Variants in MYO5B observed in about 807,000 individuals in gnomAD.
MYO5B encodes unconventional myosin-Vb.
In MYO5B, 143 loss-of-function variants were observed where a neutral mutation model predicts 229.3. The ratio of observed to expected loss-of-function variants is 0.62; its 90% CI spans 0.54 to 0.72. MYO5B has a LOEUF of 0.72. MYO5B is among the 30% of genes least tolerant of loss of function. The pLI, the probability that MYO5B is intolerant of heterozygous loss-of-function variation, is 0.00. For missense variants in MYO5B, 2,321 were observed against 2,331.0 expected (o/e 1.00, Z 0.09); for synonymous variants, 918 against 885.2 (o/e 1.04, Z -0.66).
At chr18:49,929,115 G>C (rs2025161026) in intron 17 of MYO5B, among the ~76,000 whole-genome samples, 3 of 152,050 alleles carry the variant, frequency 2.0e-5, no homozygotes, top group African/African-American at 7.2e-5. Context: ...AAAACCTACT[G>C]AAAAAATTTA....
Position 49,990,475 on chromosome 18 carries a change from C to T in MYO5B, c.802G>A (p.Ala268Thr), listed in dbSNP as rs757208688. 1.9e-6 allele frequency: 3 copies of T among 1,613,802 alleles called. No homozygotes were observed. The highest frequency in any genetic ancestry group is 2.5e-6 in the Non-Finnish European group (3 of 1,179,878). ...NYHIFYQLCA[A>T]AGLPEFKELA... ...TCTTTAAATTCTGGAAGACCGGCAG[C>T]AGCACAGAGCTGGTAAAAGATGTGG... The change falls in exon 7 of 40, where the codon GCT (alanine) becomes ACT (threonine). Residue 268 changes from alanine (A) to threonine (T), a missense_variant. Physicochemically the swap from Ala to Thr is moderately conservative, Grantham distance 58 (BLOSUM62 0). This residue lies in a region of MYO5B where 2,113 missense variants were observed against 2,044.7 expected (regional missense o/e 1.03). Coordinates refer to ENST00000285039, the MANE Select transcript of MYO5B (RefSeq NM_001080467.3).
intron 1 of MYO5B, among the ~76,000 whole-genome samples, chr18:50,165,694 A>G (rs112901051): frequency 0.012 from 1,802 of 152,116 alleles, 17 homozygotes; most frequent in Middle Eastern, 0.031. Flanking sequence ...GAGAATCACT[A>G]GAACCCAGGA....
At chr18:50,084,275 A>T (rs541857166) in intron 1 of MYO5B, among the ~76,000 whole-genome samples, 4 of 152,270 alleles carry the variant, frequency 2.6e-5, no homozygotes, top group African/African-American at 2.4e-5. Flanking sequence ...TTTCTGGGTT[A>T]TACTCAGTTT....
chr18:50,147,891 T>C (rs1985467), intron 1 of MYO5B, among the ~76,000 whole-genome samples: 53,013 of 151,924 alleles, frequency 0.35, 9,855 homozygotes, highest in Non-Finnish European at 0.43. Context: ...GTTACCAGCA[T>C]TAGCGGATGT....
At chr18:49,965,668 T>A (rs1318643862) in intron 10 of MYO5B, among the ~76,000 whole-genome samples, 1 of 152,142 alleles carries the variant, frequency 6.6e-6, no homozygotes, top group Non-Finnish European at 1.5e-5. Context: ...GGAGACTGAA[T>A]AAGCTGTGCT....
chr18:49,888,118 TA>T (rs772678715), intron 22 of MYO5B, among the ~76,000 whole-genome samples: 1 of 152,244 alleles, frequency 6.6e-6, no homozygotes, highest in East Asian at 1.9e-4. Flanking sequence ...CAGCTTCCTA[TA>T]AAGCAAAGTT....
intron 25 of MYO5B, chr18:49,876,092 C>T (rs150787520): frequency 4.7e-4 from 227 of 478,264 alleles, no homozygotes; most frequent in African/African-American, 4.2e-3. Context: ...AAATGACCAA[C>T]CATATATTCC....
chr18:50,119,457 C>G (rs1277600702), intron 1 of MYO5B, among the ~76,000 whole-genome samples: 1 of 152,192 alleles, frequency 6.6e-6, no homozygotes, highest in Non-Finnish European at 1.5e-5. Context: ...TCACTGCAAA[C>G]AGAGTAATCT....
intron 1 of MYO5B, among the ~76,000 whole-genome samples, chr18:50,109,878 G>A (rs1160825133): frequency 1.3e-5 from 2 of 152,158 alleles, no homozygotes. Flanking sequence ...AGCCATGTGA[G>A]AACAAGAACA....
intron 10 of MYO5B, chr18:49,969,634 T>C (rs569510505): frequency 6.6e-6 from 1 of 152,248 alleles, no homozygotes; most frequent in South Asian, 2.1e-4. Context: ...CCCTCCACCG[T>C]TAACAACACA....
At chr18:50,134,119 G>A (rs914634732) in intron 1 of MYO5B, among the ~76,000 whole-genome samples, 5 of 152,144 alleles carry the variant, frequency 3.3e-5, no homozygotes, top group Admixed American at 2.6e-4. Context: ...GGGGACAAAG[G>A]CAGAAGGAAA....
chr18:49,951,154 C>T (rs528672064), intron 14 of MYO5B, among the ~76,000 whole-genome samples: 1 of 152,292 alleles, frequency 6.6e-6, no homozygotes, highest in South Asian at 2.1e-4. Context: ...TGTATGACTC[C>T]AGGTGGAAGG....
At chr18:50,015,822 C>G (rs2026209984) in intron 4 of MYO5B, among the ~76,000 whole-genome samples, 1 of 152,200 alleles carries the variant, frequency 6.6e-6, no homozygotes, top group African/African-American at 2.4e-5. Context: ...CACGTCCTGC[C>G]TGTTAGGAGC....
At chr18:50,004,335 A>G (rs1293653357) in intron 4 of MYO5B, among the ~76,000 whole-genome samples, 6 of 152,238 alleles carry the variant, frequency 3.9e-5, no homozygotes, top group Admixed American at 3.9e-4. Flanking sequence ...GAAATTATCA[A>G]GAGTTATAAA....
intron 1 of MYO5B, among the ~76,000 whole-genome samples, chr18:50,186,226 A>G (rs956654438): frequency 2.0e-5 from 3 of 152,216 alleles, no homozygotes; most frequent in African/African-American, 7.2e-5. Flanking sequence ...CAGCAGCCAC[A>G]TGCAGTTACC....
At chr18:49,873,060 G>A (rs992520434) in intron 26 of MYO5B, among the ~76,000 whole-genome samples, 7 of 152,154 alleles carry the variant, frequency 4.6e-5, no homozygotes, top group African/African-American at 1.7e-4. Flanking sequence ...TGACACTACC[G>A]CAGGTAGTAG....
chr18:49,870,563 G>A (rs1407319212), intron 27 of MYO5B, among the ~76,000 whole-genome samples: 9 of 152,124 alleles, frequency 5.9e-5, no homozygotes, highest in Admixed American at 5.2e-4. Context: ...AATATGTAGA[G>A]AACTCCTAAA....
intron 29 of MYO5B, among the ~76,000 whole-genome samples, chr18:49,857,353 G>A (rs1256695642): frequency 2.0e-5 from 3 of 152,196 alleles, no homozygotes; most frequent in African/African-American, 4.8e-5. Flanking sequence ...TGGAGGAAGC[G>A]GGAGGCAGTG....
Position 49,992,428 on chromosome 18 carries a change from T to C in MYO5B, c.616A>G (p.Ile206Val), listed in dbSNP as rs1407763690. Reference sequence around the variant, plus strand: ...TTGCGGGTGGTCTTGGCATTTCCAATGGCCTGCACAGACCAGACAGACAAA... The same window carrying C: ...TTGCGGGTGGTCTTGGCATTTCCAACGGCCTGCACAGACCAGACAGACAAA... ...VLASSPIMEA[I>V]GNAKTTRNDN... The change falls in exon 6 of 40, where the codon ATT becomes GTT. Residue 206 changes from isoleucine to valine, a missense_variant. Physicochemically the swap from Ile to Val is conservative, Grantham distance 29. Transcript: ENST00000285039. 6.2e-7 allele frequency: 1 copy of C among 1,613,878 alleles called. No individual in the cohort carries two copies. The highest frequency in any genetic ancestry group is 1.3e-5 in the African/African-American group (1 of 74,858).
Sources: allele counts gnomAD v4.1 joint callset (sites outside exome capture counted in the v4.1 genomes callset), GRCh38; gene constraint gnomAD v4.1.1; regional missense constraint gnomAD v4.1.1; transcripts MANE v1.5; gene names NCBI Gene and HGNC (gene_info 2026-07-23, HGNC 2026-07-21).